Variants in SNW1 observed in about 807,000 individuals in gnomAD.
SNW1 encodes SNW domain-containing protein 1.
In SNW1, 9 loss-of-function variants were observed where a neutral mutation model predicts 75.6. The ratio of observed to expected loss-of-function variants is 0.12; its 90% CI spans 0.07 to 0.21. The LOEUF (loss-of-function observed/expected upper bound fraction) is 0.21, where lower values mean the gene tolerates loss of function less well. Among genes scored for constraint, SNW1 ranks in the 10% least tolerant of loss-of-function variants. SNW1 has a pLI of 1.00. For missense variants in SNW1, 409 were observed against 670.9 expected (o/e 0.61, Z 4.31); for synonymous variants, 200 against 219.1 (o/e 0.91, Z 0.77).
chr14:77,720,145 C>T (rs1001469482), intron 12 of SNW1, among the ~76,000 whole-genome samples: 64 of 152,286 alleles, frequency 4.2e-4, no homozygotes, highest in Non-Finnish European at 8.2e-4. Flanking sequence ...ACCCAAGAGG[C>T]ACTTTTGTAG....
At chr14:77,723,965 C>G (rs1306294860) in intron 10 of SNW1, among the ~76,000 whole-genome samples, 1 of 152,208 alleles carries the variant, frequency 6.6e-6, no homozygotes, top group African/African-American at 2.4e-5. Flanking sequence ...TAGTCACACT[C>G]AGCCTTTTAA....
chr14:77,758,316 A>AAAAG (rs2080859005), intron 1 of SNW1, among the ~76,000 whole-genome samples: 1 of 18,098 alleles, frequency 5.5e-5, no homozygotes, highest in South Asian at 1.7e-3. Flanking sequence ...ACTCTGCCAC[A>AAAAG]AAAAAAAAAA....
intron 3 of SNW1, among the ~76,000 whole-genome samples, chr14:77,750,564 G>C (rs2080799456): frequency 6.6e-6 from 1 of 152,110 alleles, no homozygotes. Context: ...GTTTGGCGGG[G>C]AGAGAGAGGC....
Position 77,737,334 on chromosome 14 carries a change from G to A in SNW1, c.534-259C>T, listed in dbSNP as rs78765859. 8.2e-3 allele frequency among the ~76,000 whole-genome samples: 1,248 copies of A among 152,220 alleles called. 13 individuals carry two copies. The highest frequency in any genetic ancestry group is 0.029 in the African/African-American group (1,193 of 41,514). Reference sequence around the variant, plus strand: ...TCATATGTTTTCCAACATGGAAGGTGCCGTGTTCAGTTTCACAGATAAGCA... The same window carrying A: ...TCATATGTTTTCCAACATGGAAGGTACCGTGTTCAGTTTCACAGATAAGCA... On this transcript the variant is annotated intron_variant, in intron 5 of 13. Transcript: ENST00000261531.
intron 3 of SNW1, among the ~76,000 whole-genome samples, chr14:77,746,266 GACAA>G (rs1222895130): frequency 1.3e-5 from 2 of 152,204 alleles, no homozygotes; most frequent in Non-Finnish European, 1.5e-5. Context: ...TGATGAGAAA[GACAA>G]ACAGACATGG....
chr14:77,759,996 G>C (rs61990686), intron 1 of SNW1, among the ~76,000 whole-genome samples: 18,644 of 151,920 alleles, frequency 0.12, 1,476 homozygotes, highest in African/African-American at 0.22. Flanking sequence ...TTAGAAACGA[G>C]GGTGGGGAGA....
intron 5 of SNW1, among the ~76,000 whole-genome samples, chr14:77,738,134 TC>T: frequency 6.6e-6 from 1 of 150,956 alleles, no homozygotes; most frequent in Non-Finnish European, 1.5e-5. Context: ...TGAAACCCTG[TC>T]TCTACTAAAA....
rs114411280 is a variant in SNW1, at chr14:77,750,949, T to C, written c.330+370A>G. Among the ~76,000 whole-genome samples, 1,274 of 152,296 alleles carry C rather than the reference T, an allele frequency of 8.4e-3. 13 individuals carry two copies. The highest frequency in any genetic ancestry group is 0.029 in the African/African-American group (1,217 of 41,562). ...ATGAGTCAAGACTATAGGAAAAAAC[T>C]AGAAGAAACTACAGGATAAATTAAA... On this transcript the variant is annotated intron_variant, in intron 3 of 13. Coordinates refer to ENST00000261531, the MANE Select transcript of SNW1 (RefSeq NM_012245.3).
At chr14:77,736,079 CT>C in intron 6 of SNW1, 73 bp from the exon 7 acceptor site, 1 of 1,065,034 alleles carries the variant, frequency 9.4e-7, no homozygotes. Flanking sequence ...GTCTCTCCTC[CT>C]TTTTCTTGCA....
chr14:77,758,666 GAATTCTGTCCCACTAGAATTCC>G (rs1293386661), intron 1 of SNW1, among the ~76,000 whole-genome samples: 2 of 152,194 alleles, frequency 1.3e-5, no homozygotes, highest in African/African-American at 4.8e-5. Flanking sequence ...AAGCTAATTA[GAATTCTGTCCCACTAGAATTCC>G]AATTCTGTCC....
At chr14:77,749,443 G>A (rs970003765) in intron 3 of SNW1, among the ~76,000 whole-genome samples, 1 of 152,148 alleles carries the variant, frequency 6.6e-6, no homozygotes. Flanking sequence ...ACAGAACACT[G>A]CGAGTAGGTA....
intron 10 of SNW1, among the ~76,000 whole-genome samples, chr14:77,726,454 C>T (rs1466278294): frequency 6.6e-6 from 1 of 152,228 alleles, no homozygotes; most frequent in African/African-American, 2.4e-5. Flanking sequence ...CCACCATGCC[C>T]AGCCTCTTCA....
intron 3 of SNW1, among the ~76,000 whole-genome samples, chr14:77,740,496 C>T (rs1194249514): frequency 1.3e-5 from 2 of 152,172 alleles, no homozygotes; most frequent in African/African-American, 4.8e-5. Flanking sequence ...TCAATCTCCC[C>T]TTACAACTCT....
intron 3 of SNW1, among the ~76,000 whole-genome samples, chr14:77,750,177 G>A (rs2080796281): frequency 6.6e-6 from 1 of 151,862 alleles, no homozygotes; most frequent in Non-Finnish European, 1.5e-5. Context: ...CTCCAGCCTG[G>A]GCAACAGAAC....
intron 2 of SNW1, among the ~76,000 whole-genome samples, chr14:77,753,344 CA>C (rs1382114473): frequency 6.6e-6 from 1 of 152,082 alleles, no homozygotes; most frequent in Non-Finnish European, 1.5e-5. Flanking sequence ...ACTGACAGAC[CA>C]AACAATATTT....
intron 3 of SNW1, among the ~76,000 whole-genome samples, chr14:77,739,704 A>G (rs760293056): frequency 1.6e-4 from 24 of 152,156 alleles, no homozygotes; most frequent in Admixed American, 1.2e-3. Flanking sequence ...GACTTCTACT[A>G]TGCCCAACAT....
intron 1 of SNW1, among the ~76,000 whole-genome samples, chr14:77,756,365 G>C (rs930638466): frequency 8.5e-5 from 13 of 152,086 alleles, no homozygotes; most frequent in Non-Finnish European, 1.2e-4. Flanking sequence ...CTGACCTCAA[G>C]TGATCCATCA....
intron 10 of SNW1, 46 bp from the exon 11 acceptor site, chr14:77,723,323 G>T: frequency 7.6e-7 from 1 of 1,318,142 alleles, no homozygotes; most frequent in Non-Finnish European, 1.1e-6. Flanking sequence ...TGTATTATAT[G>T]TGTGCATACG....
At chr14:77,751,505 A>G in intron 2 of SNW1, 25 bp from the exon 3 acceptor site, 1 of 1,547,290 alleles carries the variant, frequency 6.5e-7, no homozygotes, top group Non-Finnish European at 8.8e-7. Flanking sequence ...TAGTTAAATA[A>G]AATAGTTAAT....
Sources: gnomAD v4.1 joint callset for allele counts (sites outside exome capture counted in the v4.1 genomes callset) on GRCh38, gnomAD v4.1.1 for gene constraint, MANE v1.5 for transcripts, NCBI Gene and HGNC (gene_info 2026-07-23, HGNC 2026-07-21) for gene names.